The following C1QTNF5 variants were observed in gnomAD, a reference collection of about 807,000 sequenced individuals.
The protein encoded by C1QTNF5 is complement C1q tumor necrosis factor-related protein 5.
A neutral mutation model predicts 10.9 loss-of-function variants in C1QTNF5; 5 were observed. That is an observed-to-expected ratio of 0.46 (90% CI 0.24 to 0.97). The LOEUF is 0.97. Among genes scored for constraint, C1QTNF5 ranks in the 50% least tolerant of loss-of-function variants. The pLI is 0.19. For missense variants in C1QTNF5, 281 were observed against 339.4 expected (o/e 0.83, Z 1.35); for synonymous variants, 161 against 156.5 (o/e 1.03, Z -0.22).
chr11:119,345,578 T>C (rs760363316), upstream of C1QTNF5: 24 of 1,613,772 alleles, frequency 1.5e-5, no homozygotes, highest in Non-Finnish European at 2.0e-5. Context: ...GGTAAGGGTC[T>C]GGGTAGTTAG....
chr11:119,342,691 C>A, upstream of C1QTNF5: 2 of 1,613,746 alleles, frequency 1.2e-6, no homozygotes, highest in Non-Finnish European at 1.7e-6. Context: ...CTTACACCCT[C>A]CTGCCTGGCA....
At chr11:119,342,062 G>A (rs1003682914), upstream of C1QTNF5, 56 of 1,581,452 alleles carry the variant, frequency 3.5e-5, no homozygotes, top group Admixed American at 1.0e-4. Flanking sequence ...CGAATCGCTC[G>A]GTCCTGTGTG....
In C1QTNF5 at chr11:119,339,647, A is replaced by G. The variant is rs575398894; in HGVS notation, c.416T>C (p.Val139Ala). ...CACCTGGCAGGTGAACTTGCCGGTG[A>G]CGGCGTCGTAATGTCCCTGCTCGTT... ...LVNEQGHYDA[V>A]TGKFTCQVPG... The change falls in exon 3 of 3, where the codon GTC becomes GCC. Residue 139 changes from valine to alanine, a missense_variant. Physicochemically the swap from Val to Ala is moderately conservative, Grantham distance 64. Transcript: ENST00000528368. The surrounding 1 kb of genome is among the most constrained non-coding windows in gnomAD (Gnocchi z 5.4). 6.2e-7 allele frequency: 1 copy of G among 1,612,566 alleles called. No homozygotes were observed. The highest frequency in any genetic ancestry group is 1.3e-5 in the African/African-American group (1 of 75,076).
At chr11:119,344,102 T>TAAAG, upstream of C1QTNF5, 1 of 1,189,070 alleles carries the variant, frequency 8.4e-7, no homozygotes, top group South Asian at 1.3e-5. Context: ...TAAGGACCTT[T>TAAAG]AATTTACCTG....
At chr11:119,346,178 G>A in the C1QTNF5 span, 2 of 1,574,800 alleles carry the variant, frequency 1.3e-6, no homozygotes, top group Non-Finnish European at 1.7e-6. Context: ...TGGCAGGTGG[G>A]GTTTTGAAAG....
chr11:119,345,063 A>G, upstream of C1QTNF5: 1 of 1,573,158 alleles, frequency 6.4e-7, no homozygotes, highest in Non-Finnish European at 8.6e-7. Context: ...GCCAGAGAGG[A>G]GCTTGCCTGG....
chr11:119,340,062 G>T, intron 2 of C1QTNF5, 122 bp downstream of exon 2: 2 of 1,317,110 alleles, frequency 1.5e-6, no homozygotes, highest in Non-Finnish European at 2.0e-6. Context: ...CCCGCTCAGG[G>T]CTGCAAAGCG....
chr11:119,342,328 G>A (rs1950510530), upstream of C1QTNF5, among the ~76,000 whole-genome samples: 1 of 152,206 alleles, frequency 6.6e-6, no homozygotes, highest in South Asian at 2.1e-4. Context: ...CTGTGGAAAG[G>A]GGCTCTGGGT....
At chr11:119,344,427 G>C (rs767106540), upstream of C1QTNF5, 1 of 1,598,488 alleles carries the variant, frequency 6.3e-7, no homozygotes, top group Non-Finnish European at 8.6e-7. Context: ...AGTTTGCTAG[G>C]ATCTGTGCCT....
In C1QTNF5 at chr11:119,339,290, C is replaced by G. The variant is rs746563698; in HGVS notation, c.*41G>C. The G allele has an allele frequency of 3.1e-6, 5 of 1,594,886 alleles. No individual in the cohort carries two copies. The highest frequency in any genetic ancestry group is 3.4e-6 in the Non-Finnish European group (4 of 1,168,944). On this transcript the variant is annotated 3_prime_UTR_variant, in exon 3 of 3. Coordinates refer to ENST00000528368, the MANE Select transcript of C1QTNF5 (RefSeq NM_001278431.2). The surrounding 1 kb of genome is among the most constrained non-coding windows in gnomAD (Gnocchi z 5.4). ...GACCTGGTTGTCAGCCTCACACCCTCCTTCTAGGAGTGAGAGCATGAGCTC... is the reference window on the plus strand; with the variant it reads ...GACCTGGTTGTCAGCCTCACACCCTGCTTCTAGGAGTGAGAGCATGAGCTC...
upstream of C1QTNF5, chr11:119,344,588 C>T (rs779170726): frequency 6.2e-7 from 1 of 1,613,506 alleles, no homozygotes; most frequent in Middle Eastern, 1.7e-4. Context: ...AGCTTGAACC[C>T]AGATCAGACG....
rs928083510 is a variant in C1QTNF5, at chr11:119,339,949, G to C, written c.215-101C>G. The C allele has an allele frequency of 7.3e-7, 1 of 1,378,058 alleles. No homozygotes were observed. The highest frequency in any genetic ancestry group is 1.5e-5 in the African/African-American group (1 of 65,894). 85.4% of individuals were successfully genotyped at this position (1,378,058 alleles called of 1,614,324 possible). On this transcript the variant is annotated intron_variant, in intron 2 of 2. Transcript: ENST00000528368. This position sits in a 1 kb window ranked among gnomAD's most constrained non-coding sequence, Gnocchi z 5.4. ...CGTACCCCTCCCCGCCCCTGCCTGA[G>C]CTTCGGCCAGCGCCTCCTCCCGCAC...
chr11:119,346,428 G>A, the C1QTNF5 span: 3 of 1,613,778 alleles, frequency 1.9e-6, no homozygotes, highest in Admixed American at 1.7e-5. Context: ...CTGGTGCTGG[G>A]TCTTAGGAGC....
upstream of C1QTNF5, chr11:119,345,129 C>T: frequency 7.7e-7 from 1 of 1,292,978 alleles, no homozygotes. Context: ...GTCAAAAAGG[C>T]TCCTCTGATG....
chr11:119,344,244 C>T, upstream of C1QTNF5: 4 of 1,398,426 alleles, frequency 2.9e-6, no homozygotes, highest in East Asian at 6.8e-5. Flanking sequence ...ATGCCATTCC[C>T]ATTACACTAA....
upstream of C1QTNF5, chr11:119,345,305 G>T: frequency 9.1e-7 from 1 of 1,093,120 alleles, no homozygotes; most frequent in Non-Finnish European, 1.4e-6. Context: ...TGGGCCCAGA[G>T]GTCTAGTCTC....
At position 119,340,226 on chromosome 11, in the gene C1QTNF5, C is replaced by CGCCGTCGCG. The variant is rs940468185; in HGVS notation, c.163_171dup (p.Arg55_Gly57dup). 61 of 1,513,502 alleles carry CGCCGTCGCG rather than the reference C, an allele frequency of 4.0e-5. No individual in the cohort carries two copies. The highest frequency in any genetic ancestry group is 4.7e-4 in the Middle Eastern group (2 of 4,294). 93.8% of individuals were successfully genotyped at this position (1,513,502 alleles called of 1,614,324 possible). On this transcript the variant is annotated inframe_insertion, in exon 2 of 3. Coordinates refer to ENST00000528368, the MANE Select transcript of C1QTNF5 (RefSeq NM_001278431.2). ...CCTTTCTCTCCCGGAGCCCCGGGCGCGCCGTCGCGGCCGTCGCGGCCATCG... is the reference window on the plus strand; with the variant it reads ...CCTTTCTCTCCCGGAGCCCCGGGCGCGCCGTCGCGGCCGTCGCGGCCGTCGCGGCCATCG...
chr11:119,341,648 T>G, upstream of C1QTNF5: 1 of 1,612,980 alleles, frequency 6.2e-7, no homozygotes, highest in African/African-American at 1.3e-5. Flanking sequence ...CTGGCACTGG[T>G]GCTCCGCTTC....
At chr11:119,346,200 G>C in the C1QTNF5 span, 1 of 1,567,376 alleles carries the variant, frequency 6.4e-7, no homozygotes, top group Admixed American at 1.9e-5. Flanking sequence ...CCCTTCTGTT[G>C]GGTATTCCTC....
Sources: allele counts gnomAD v4.1 joint callset (sites outside exome capture counted in the v4.1 genomes callset), GRCh38; gene constraint gnomAD v4.1.1; non-coding constraint Gnocchi (gnomAD v3.1); transcripts MANE v1.5; gene names NCBI Gene and HGNC (gene_info 2026-07-23, HGNC 2026-07-21).